Variants in PCNX2 observed in about 807,000 individuals in gnomAD.
PCNX2 encodes the protein pecanex-like protein 2.
Under a neutral mutation model 223.8 loss-of-function variants are expected in PCNX2, and 168 were observed. The observed-to-expected ratio is 0.75, with a 90% CI of 0.66 to 0.85. PCNX2 has a LOEUF of 0.85. Ranked by LOEUF, PCNX2 falls within the 40% of genes least tolerant of loss-of-function variation. The pLI, the probability that PCNX2 is intolerant of heterozygous loss-of-function variation, is 0.00. For synonymous variants in PCNX2, 1,006 were observed against 1,052.6 expected (o/e 0.96, Z 0.86); for missense variants, 2,507 against 2,675.5 (o/e 0.94, Z 1.39).
intron 26 of PCNX2, among the ~76,000 whole-genome samples, chr1:233,023,398 G>A (rs1002624938): frequency 2.0e-5 from 3 of 152,194 alleles, no homozygotes; most frequent in African/African-American, 7.2e-5. Context: ...TATTGTGGCA[G>A]CTTCCTAGAA....
intron 17 of PCNX2, 108 bp from the exon 18 acceptor site, chr1:233,161,471 C>G (rs1678477327): frequency 1.1e-6 from 1 of 913,978 alleles, no homozygotes; most frequent in African/African-American, 1.6e-5. Flanking sequence ...AACTGTTTTT[C>G]CAGCCCATCA....
At chr1:233,158,254 A>G (rs1485083577) in intron 19 of PCNX2, among the ~76,000 whole-genome samples, 2 of 152,180 alleles carry the variant, frequency 1.3e-5, no homozygotes. Flanking sequence ...ACTGCCACAC[A>G]CTAAGGGAAG....
At chr1:233,188,102 A>T (rs1680207114) in intron 15 of PCNX2, among the ~76,000 whole-genome samples, 1 of 152,208 alleles carries the variant, frequency 6.6e-6, no homozygotes, top group Non-Finnish European at 1.5e-5. Flanking sequence ...GTATGATCTC[A>T]CAGTTTCCTA....
At chr1:233,186,379 C>A (rs184059023) in intron 15 of PCNX2, among the ~76,000 whole-genome samples, 9 of 152,170 alleles carry the variant, frequency 5.9e-5, no homozygotes, top group Admixed American at 2.0e-4. Context: ...ATAAAGTTCC[C>A]GAAATTTAGT....
rs1659539368 is a variant in PCNX2 at position 233,252,866 on chromosome 1, C to T, written c.1835-78G>A. On this transcript the variant is annotated intron_variant, in intron 5 of 33. Coordinates refer to ENST00000258229, the MANE Select transcript of PCNX2 (RefSeq NM_014801.4). ...AACTCTGGGAAATAAGTTACCAAAACTGAAACAAGAATAGAAAGAAAATCT... is the reference window on the plus strand; with the variant it reads ...AACTCTGGGAAATAAGTTACCAAAATTGAAACAAGAATAGAAAGAAAATCT... 3 of 1,373,430 alleles carry T rather than the reference C, an allele frequency of 2.2e-6. No individual in the cohort carries two copies. In the African/African-American group the frequency reaches 4.4e-5, roughly 20 times the overall value. The allele number at this position is 1,373,430 out of a possible 1,614,324, so 85.1% of individuals were successfully genotyped here.
At chr1:233,035,564 C>G (rs1671426607) in intron 25 of PCNX2, among the ~76,000 whole-genome samples, 1 of 152,182 alleles carries the variant, frequency 6.6e-6, no homozygotes, top group African/African-American at 2.4e-5. Context: ...GCTCAAACCA[C>G]CCACCCATAA....
At chr1:233,027,493 C>T (rs1015123795) in intron 25 of PCNX2, among the ~76,000 whole-genome samples, 6 of 152,186 alleles carry the variant, frequency 3.9e-5, no homozygotes, top group African/African-American at 1.4e-4. Context: ...AGAAGCATCA[C>T]TTAGTTTCAT....
chr1:233,056,908 G>C (rs1328580751), intron 24 of PCNX2, among the ~76,000 whole-genome samples: 1 of 152,128 alleles, frequency 6.6e-6, no homozygotes, highest in African/African-American at 2.4e-5. Context: ...TTTTTCCAAA[G>C]AATTTTTTTT....
chr1:233,299,487 A>G (rs1038047645), upstream of PCNX2, among the ~76,000 whole-genome samples: 3 of 152,240 alleles, frequency 2.0e-5, no homozygotes, highest in South Asian at 6.2e-4. Context: ...AAAAGCAAAC[A>G]AGGGATCAGA....
intron 27 of PCNX2, among the ~76,000 whole-genome samples, chr1:233,015,526 C>A (rs1175204536): frequency 6.6e-6 from 1 of 152,074 alleles, no homozygotes; most frequent in African/African-American, 2.4e-5. Context: ...TGGCAAAACC[C>A]TGTCTCTACT....
At chr1:233,165,579 A>G (rs1055755885) in intron 17 of PCNX2, among the ~76,000 whole-genome samples, 1 of 152,212 alleles carries the variant, frequency 6.6e-6, no homozygotes, top group Non-Finnish European at 1.5e-5. Flanking sequence ...AATGATGAAC[A>G]TATTTTCATG....
intron 1 of PCNX2, among the ~76,000 whole-genome samples, chr1:233,288,219 A>G (rs1361266374): frequency 6.6e-6 from 1 of 152,258 alleles, no homozygotes; most frequent in African/African-American, 2.4e-5. Context: ...GCTTCTACAC[A>G]AAAGAAGTAA....
At chr1:233,230,424 T>C (rs1657995653) in intron 9 of PCNX2, among the ~76,000 whole-genome samples, 1 of 152,178 alleles carries the variant, frequency 6.6e-6, no homozygotes, top group Non-Finnish European at 1.5e-5. Flanking sequence ...AATGAATGCA[T>C]GGACAAACTG....
chr1:233,128,200 T>C (rs1428674306), intron 21 of PCNX2, among the ~76,000 whole-genome samples: 1 of 152,220 alleles, frequency 6.6e-6, no homozygotes, highest in East Asian at 1.9e-4. Flanking sequence ...ACTAATGGCC[T>C]GTAGAATTTT....
rs760926382 is a variant in PCNX2, at chr1:233,001,666, C to A, written c.4968G>T (p.Leu1656=). ...HNMAISLDSF[L]YGLHVLFKGD... ...CTTTGAAGAGGACATGGAGGCCATA[C>A]AGGAAAGAATCCAGGCTGCAAAACA... The change falls in exon 29 of 34, where the codon CTG becomes CTT. Residue 1656 remains leucine, a synonymous_variant. Coordinates refer to ENST00000258229, the MANE Select transcript of PCNX2 (RefSeq NM_014801.4). The surrounding 1 kb of genome is among the most constrained non-coding windows in gnomAD (Gnocchi z 4.2). 1 of 1,583,084 alleles carries A rather than the reference C, an allele frequency of 6.3e-7. No homozygotes were observed. The highest frequency in any genetic ancestry group is 2.2e-5 in the East Asian group (1 of 44,632).
chr1:233,228,576 CTGGCT>C (rs1304827830), intron 9 of PCNX2, among the ~76,000 whole-genome samples: 1 of 152,124 alleles, frequency 6.6e-6, no homozygotes, highest in Non-Finnish European at 1.5e-5. Flanking sequence ...CTTTTTGTGA[CTGGCT>C]TATTCCACTC....
intron 19 of PCNX2, among the ~76,000 whole-genome samples, chr1:233,154,100 A>G (rs1212654361): frequency 6.6e-6 from 1 of 152,116 alleles, no homozygotes; most frequent in Non-Finnish European, 1.5e-5. Context: ...ATTTTTTGAG[A>G]GGGAATCTTG....
At position 233,017,348 on chromosome 1, in the gene PCNX2, T is replaced by G. The variant is rs535045752; in HGVS notation, c.4606-194A>C. 3.3e-3 allele frequency among the ~76,000 whole-genome samples: 466 copies of G among 139,670 alleles called. 1 individual carries two copies. The highest frequency in any genetic ancestry group is 0.012 in the African/African-American group (443 of 36,902). The allele number at this position is 139,670 out of a possible 152,430, so 91.6% of individuals were successfully genotyped here. A position where few individuals can be genotyped will look rare whatever the true frequency, so the allele number is the denominator to read the frequency against. On this transcript the variant is annotated intron_variant, in intron 26 of 33. Transcript: ENST00000258229. ...TTTTTTTTTTTTTGAGACGGAGTCT[T>G]GCTCTGTCACCCAGGCTGGAGTGCA...
intron 23 of PCNX2, chr1:233,086,986 GC>G: frequency 1.0e-6 from 1 of 973,334 alleles, no homozygotes; most frequent in Non-Finnish European, 1.2e-6. Flanking sequence ...TAGTTAGGAG[GC>G]TAGGGTAAAA....
Sources: gnomAD v4.1 joint callset for allele counts (sites outside exome capture counted in the v4.1 genomes callset) on GRCh38, gnomAD v4.1.1 for gene constraint, Gnocchi (gnomAD v3.1) non-coding constraint, MANE v1.5 for transcripts, NCBI Gene and HGNC (gene_info 2026-07-23, HGNC 2026-07-21) for gene names.